The following SV2B variants were observed in gnomAD, a reference collection of about 807,000 sequenced individuals.
SV2B encodes the protein synaptic vesicle glycoprotein 2B.
SV2B carries 41 observed loss-of-function variants against 73.9 expected under a neutral mutation model. The ratio of observed to expected loss-of-function variants is 0.56; its 90% CI spans 0.43 to 0.72. The LOEUF is 0.72. SV2B is among the 30% of genes least tolerant of loss of function. The pLI is 0.00. For missense variants in SV2B, 764 were observed against 857.8 expected (o/e 0.89, Z 1.37); for synonymous variants, 314 against 314.2 (o/e 1.00, Z 0.01).
chr15:91,199,093 G>A (rs950198854), intron 1 of SV2B, among the ~76,000 whole-genome samples: 4 of 152,084 alleles, frequency 2.6e-5, no homozygotes, highest in Non-Finnish European at 5.9e-5. Context: ...TTGAACTCCT[G>A]GACTCAAGCA....
Position 91,226,114 on chromosome 15 carries a change from G to A in SV2B, c.-150G>A, listed in dbSNP as rs984182104. 8.0e-5 allele frequency: 58 copies of A among 722,678 alleles called. No individual in the cohort carries two copies. The highest frequency in any genetic ancestry group is 1.3e-4 in the Non-Finnish European group (56 of 447,640). The allele number at this position is 722,678 out of a possible 1,614,324, so 44.8% of individuals were successfully genotyped here. ...TTGATTTGAGAGATAAAGGGGGGGGGAACCAGTGTGACTTTCACCTAAGAA... is the reference window on the plus strand; with the variant it reads ...TTGATTTGAGAGATAAAGGGGGGGGAAACCAGTGTGACTTTCACCTAAGAA... On this transcript the variant is annotated 5_prime_UTR_variant, in exon 2 of 13. Coordinates refer to ENST00000394232, the MANE Select transcript of SV2B (RefSeq NM_001323032.3).
rs114547957 is a variant in SV2B at position 91,157,241 on chromosome 15, G to A, written c.-392+56878G>A. On this transcript the variant is annotated intron_variant, in intron 1 of 12. Coordinates refer to ENST00000394232, the MANE Select transcript of SV2B (RefSeq NM_001323032.3). The stretch of plus-strand genomic sequence containing the variant: ...GATTGGGAGTCAAATCACTTGGGAT[G>A]CACAGGGAAGGAATGGTTTCTGTCT... Among the ~76,000 whole-genome samples, 181 of 152,288 alleles carry A rather than the reference G, an allele frequency of 1.2e-3. 1 individual carries two copies. Among genetic ancestry groups the A allele is most frequent in the African/African-American group, 4.1e-3 (171 of 41,562 alleles).
Position 91,115,016 on chromosome 15 carries a change from C to A in SV2B, c.-392+14653C>A, listed in dbSNP as rs988116364. Among the ~76,000 whole-genome samples the A allele has an allele frequency of 6.6e-5, 10 of 152,128 alleles. No homozygotes were observed. Among genetic ancestry groups the A allele is most frequent in the African/African-American group, 2.4e-4 (10 of 41,420 alleles). On this transcript the variant is annotated intron_variant, in intron 1 of 12. Transcript: ENST00000394232. This position sits in a 1 kb window ranked among gnomAD's most constrained non-coding sequence, Gnocchi z 4.3. ...GGTCACATGCCCATTCCTGAGGGCA[C>A]CATCACTATGACTCCCAAGATGGCA...
At chr15:91,174,845 C>T (rs1419037894) in intron 1 of SV2B, among the ~76,000 whole-genome samples, 6 of 152,308 alleles carry the variant, frequency 3.9e-5, no homozygotes, top group African/African-American at 1.4e-4. Flanking sequence ...TGGGATTCAG[C>T]TGGAGGGACA....
At chr15:91,218,947 C>CT (rs796083126) in intron 1 of SV2B, among the ~76,000 whole-genome samples, 67 of 151,350 alleles carry the variant, frequency 4.4e-4, no homozygotes, top group South Asian at 1.9e-3. Context: ...TTTCTTTCTT[C>CT]TTTTTTTTTA....
chr15:91,113,258 G>T (rs77521015), intron 1 of SV2B, among the ~76,000 whole-genome samples: 1 of 152,216 alleles, frequency 6.6e-6, no homozygotes, highest in African/African-American at 2.4e-5. Context: ...GCGTGGCCAC[G>T]TAACAGTTTT....
At position 91,214,982 on chromosome 15, in the gene SV2B, C is replaced by T. The variant is rs2141440385; in HGVS notation, c.-391-10891C>T. 6.6e-6 allele frequency among the ~76,000 whole-genome samples: 1 copy of T among 152,344 alleles called. No individual in the cohort carries two copies. Among genetic ancestry groups the T allele is most frequent in the Non-Finnish European group, 1.5e-5 (1 of 68,034 alleles). ...GTACTGCAGGCTGGGACCATTGTTGCTGACCCCAGGGCTGCAGGGTAAACG... is the reference window on the plus strand; with the variant it reads ...GTACTGCAGGCTGGGACCATTGTTGTTGACCCCAGGGCTGCAGGGTAAACG... On this transcript the variant is annotated intron_variant, in intron 1 of 12. Transcript: ENST00000394232. The surrounding 1 kb of genome is among the most constrained non-coding windows in gnomAD (Gnocchi z 4.7).
chr15:91,277,780 T>C (rs1437261102), intron 9 of SV2B, among the ~76,000 whole-genome samples: 2 of 152,258 alleles, frequency 1.3e-5, no homozygotes, highest in Non-Finnish European at 2.9e-5. Context: ...TTTCTAACTA[T>C]ATTTATATAT....
chr15:91,249,329 A>G lies in SV2B; in HGVS notation c.452-2490A>G, dbSNP rs56269408. ...CTTGGAAGCCTTCCCACATTGAGTG[A>G]ATTATATCCAAGGTTTGCTCTTCTT... On this transcript the variant is annotated intron_variant, in intron 2 of 12. Coordinates refer to ENST00000394232, the MANE Select transcript of SV2B (RefSeq NM_001323032.3). 2.9e-3 allele frequency among the ~76,000 whole-genome samples: 448 copies of G among 152,340 alleles called. 2 individuals are homozygous for G. Among genetic ancestry groups the G allele is most frequent in the South Asian group, 5.6e-3 (27 of 4,824 alleles).
At chr15:91,193,030 T>C (rs551224052) in intron 1 of SV2B, among the ~76,000 whole-genome samples, 2 of 152,358 alleles carry the variant, frequency 1.3e-5, no homozygotes, top group African/African-American at 4.8e-5. Context: ...ATCTATCTAC[T>C]CATTTGTTTT....
chr15:91,278,356 TCA>T lies in SV2B; in HGVS notation c.1374-3369_1374-3368del, dbSNP rs542813697. ...ACTCTTCATTTTTTGGAGGGTGGCA[TCA>T]CAGGTTGGGTGAAGGCCTGACCCCT... On this transcript the variant is annotated intron_variant, in intron 9 of 12. Transcript: ENST00000394232. Among the ~76,000 whole-genome samples the T allele has an allele frequency of 1.3e-3, 196 of 152,076 alleles. 1 individual carries two copies. The highest frequency in any genetic ancestry group is 4.3e-3 in the African/African-American group (178 of 41,456).
chr15:91,158,710 TCTCCTCTCCTCTC>T lies in SV2B; in HGVS notation c.-392+58351_-392+58363del, dbSNP rs2043596252. Reference sequence around the variant, plus strand: ...TCTTCTCTTCTCTTCTCTCCTCTCCTCTCCTCTCCTCTCCTCTCTTCTCCTCTTTTTTCTCTCT... The same window carrying T: ...TCTTCTCTTCTCTTCTCTCCTCTCCTCTCTCTTCTCCTCTTTTTTCTCTCT... On this transcript the variant is annotated intron_variant, in intron 1 of 12. Transcript: ENST00000394232. 2.2e-5 allele frequency among the ~76,000 whole-genome samples: 2 copies of T among 89,786 alleles called. 1 individual carries two copies. Among genetic ancestry groups the T allele is most frequent in the Admixed American group, 2.3e-4 (2 of 8,708 alleles). 58.9% of individuals were successfully genotyped at this position (89,786 alleles called of 152,430 possible). A position where few individuals can be genotyped will look rare whatever the true frequency, so the allele number is the denominator to read the frequency against.
intron 1 of SV2B, among the ~76,000 whole-genome samples, chr15:91,170,521 C>T (rs1330074577): frequency 6.6e-6 from 1 of 152,180 alleles, no homozygotes; most frequent in Non-Finnish European, 1.5e-5. Context: ...CTCCTGACCT[C>T]AGGTGATCTG....
chr15:91,177,679 T>C (rs1179855518), intron 1 of SV2B, among the ~76,000 whole-genome samples: 2 of 123,478 alleles, frequency 1.6e-5, no homozygotes, highest in Non-Finnish European at 3.4e-5. Context: ...TCACTCATGA[T>C]TTGGCTCTCT....
intron 1 of SV2B, among the ~76,000 whole-genome samples, chr15:91,217,857 C>T (rs377749575): frequency 6.6e-6 from 1 of 152,350 alleles, no homozygotes; most frequent in East Asian, 1.9e-4. Context: ...CCCTCAATGC[C>T]TTTATGGCAG....
At chr15:91,134,194 C>T (rs960630432) in intron 1 of SV2B, among the ~76,000 whole-genome samples, 2 of 151,892 alleles carry the variant, frequency 1.3e-5, no homozygotes, top group Non-Finnish European at 2.9e-5. Context: ...AGATGGGTTT[C>T]ACCATGTTGG....
At chr15:91,154,057 G>A (rs1210980447) in intron 1 of SV2B, among the ~76,000 whole-genome samples, 1 of 150,170 alleles carries the variant, frequency 6.7e-6, no homozygotes, top group African/African-American at 2.4e-5. Context: ...AGACTCTTTT[G>A]TAAGGGTCTC....
At chr15:91,260,444 T>C (rs765878563) in intron 6 of SV2B, 35 bp downstream of exon 6, 2 of 1,510,082 alleles carry the variant, frequency 1.3e-6, no homozygotes, top group Admixed American at 4.0e-5. Flanking sequence ...AAGAAGGGGG[T>C]TCTCCTCTTC....
At chr15:91,263,483 C>A (rs2047994736) in intron 6 of SV2B, among the ~76,000 whole-genome samples, 1 of 151,866 alleles carries the variant, frequency 6.6e-6, no homozygotes, top group Admixed American at 6.5e-5. Flanking sequence ...CAGGGACACA[C>A]ACACACAGAT....
Sources: gnomAD v4.1 joint callset for allele counts (sites outside exome capture counted in the v4.1 genomes callset) on GRCh38, gnomAD v4.1.1 for gene constraint, Gnocchi (gnomAD v3.1) non-coding constraint, MANE v1.5 for transcripts, NCBI Gene and HGNC (gene_info 2026-07-23, HGNC 2026-07-21) for gene names.